The following PTPN21 variants were observed in gnomAD, a reference collection of about 807,000 sequenced individuals.
The protein encoded by PTPN21 is tyrosine-protein phosphatase non-receptor type 21.
PTPN21 carries 77 observed loss-of-function variants against 131.8 expected under a neutral mutation model. The ratio of observed to expected loss-of-function variants is 0.58; its 90% CI spans 0.49 to 0.71. The LOEUF is 0.71. PTPN21 is among the 30% of genes least tolerant of loss of function. The probability of loss-of-function intolerance (pLI) is 0.00; values close to 1 mark genes in which losing one functional copy is unlikely to be tolerated. For synonymous variants in PTPN21, 715 were observed against 621.3 expected, an observed-to-expected ratio of 1.15 and a Z score of -2.24; for missense variants, 1,552 against 1,527.1, an observed-to-expected ratio of 1.02 and a Z score of -0.27.
Position 88,468,950 on chromosome 14 carries a change from G to C in PTPN21, c.3362C>G (p.Ser1121Trp). The C allele has an allele frequency of 1.2e-6, 2 of 1,614,138 alleles. No individual in the cohort carries two copies. The highest frequency in any genetic ancestry group is 1.7e-6 in the Non-Finnish European group (2 of 1,180,014). Residue 1121 changes from serine to tryptophan, a missense_variant, in exon 18 of 19, where the codon TCG (serine) becomes TGG (tryptophan). Ser to Trp is a radical substitution (Grantham distance 177). Transcript: ENST00000556564. ...TTCCAGGCAGGCGATCATGATCTCCGACAAAATCACCACGCCAGTCCTTCC... is the reference window on the plus strand; with the variant it reads ...TTCCAGGCAGGCGATCATGATCTCCCACAAAATCACCACGCCAGTCCTTCC... ...GVGRTGVVIL[S>W]EIMIACLEHN...
intron 12 of PTPN21, among the ~76,000 whole-genome samples, chr14:88,482,492 C>T (rs892515214): frequency 2.6e-5 from 4 of 152,018 alleles, no homozygotes; most frequent in Admixed American, 6.6e-5. Flanking sequence ...GGCGTGGTGG[C>T]GCATGCCTGT....
At chr14:88,506,043 A>G (rs572710397) in intron 4 of PTPN21, among the ~76,000 whole-genome samples, 1 of 152,304 alleles carries the variant, frequency 6.6e-6, no homozygotes, top group African/African-American at 2.4e-5. Context: ...ATAATGCCCC[A>G]TCAGAAATCT....
intron 3 of PTPN21, among the ~76,000 whole-genome samples, chr14:88,511,765 T>C (rs1370777105): frequency 1.3e-5 from 2 of 152,194 alleles, no homozygotes; most frequent in Admixed American, 6.5e-5. Context: ...ACGTTTTGAT[T>C]CAAAAGCAAG....
chr14:88,544,045 G>C (rs1429857369), intron 2 of PTPN21, among the ~76,000 whole-genome samples: 1 of 152,078 alleles, frequency 6.6e-6, no homozygotes, highest in Non-Finnish European at 1.5e-5. Flanking sequence ...CATATCCTGA[G>C]GATTAAAAAA....
At chr14:88,490,763 C>T (rs544755702) in intron 10 of PTPN21, among the ~76,000 whole-genome samples, 3 of 152,338 alleles carry the variant, frequency 2.0e-5, no homozygotes, top group East Asian at 3.9e-4. Context: ...CATCTCACTG[C>T]GCTCAGCGAG....
At chr14:88,551,195 A>C (rs997355781) in intron 1 of PTPN21, 2 of 152,194 alleles carry the variant, frequency 1.3e-5, no homozygotes, top group East Asian at 1.9e-4. Context: ...TTTACTGATA[A>C]ACATCATAAA....
intron 1 of PTPN21, among the ~76,000 whole-genome samples, chr14:88,554,412 G>GAAC (rs1566859787): frequency 2.5e-4 from 38 of 152,298 alleles, no homozygotes; most frequent in African/African-American, 9.1e-4. Flanking sequence ...GCAACAATCG[G>GAAC]CCAGGGCGTT....
At position 88,479,330 on chromosome 14, in the gene PTPN21, G is replaced by A. The variant is rs781196275; in HGVS notation, c.2101C>T (p.Leu701=). Residue 701 remains leucine, a synonymous_variant, in exon 13 of 19, where the codon CTG becomes TTG. Coordinates refer to ENST00000556564, the MANE Select transcript of PTPN21 (RefSeq NM_007039.4). ...EGLRYGHKKS[L]SDATMLIHSS... ...TGGATTAGCATGGTGGCGTCCGACA[G>A]GGACTTCTTATGGCCGTACCTCAAG... 178 of 1,613,346 alleles carry A rather than the reference G, an allele frequency of 1.1e-4. No individual in the cohort carries two copies. The highest frequency in any genetic ancestry group is 1.4e-4 in the Non-Finnish European group (167 of 1,179,656).
intron 6 of PTPN21, among the ~76,000 whole-genome samples, chr14:88,502,059 C>T (rs1319234568): frequency 1.3e-5 from 2 of 152,196 alleles, no homozygotes; most frequent in South Asian, 2.1e-4. Context: ...AATAAGGGTA[C>T]GAGGAGGCTA....
At chr14:88,489,103 A>G (rs1388817810) in intron 10 of PTPN21, among the ~76,000 whole-genome samples, 2 of 152,122 alleles carry the variant, frequency 1.3e-5, no homozygotes, top group African/African-American at 4.8e-5. Flanking sequence ...CATGTGTCCA[A>G]CCTGCTCCCC....
chr14:88,468,301 T>G, intron 18 of PTPN21, 36 bp from the exon 19 acceptor site: 1 of 1,550,204 alleles, frequency 6.5e-7, no homozygotes, highest in Non-Finnish European at 8.7e-7. Flanking sequence ...GATAATGTGT[T>G]CCCCTGGGGA....
intron 2 of PTPN21, among the ~76,000 whole-genome samples, chr14:88,529,239 T>C (rs1243389003): frequency 1.3e-5 from 2 of 152,222 alleles, no homozygotes; most frequent in Non-Finnish European, 2.9e-5. Flanking sequence ...GATGATCATA[T>C]TGTTTTTAAT....
At chr14:88,501,256 G>C in intron 7 of PTPN21, 25 bp downstream of exon 7, 1 of 1,570,162 alleles carries the variant, frequency 6.4e-7, no homozygotes, top group Non-Finnish European at 8.8e-7. Context: ...ACTTTAAAGA[G>C]CCCCAGCCGC....
At chr14:88,514,148 C>T (rs1312347486) in intron 3 of PTPN21, among the ~76,000 whole-genome samples, 1 of 152,134 alleles carries the variant, frequency 6.6e-6, no homozygotes, top group Non-Finnish European at 1.5e-5. Flanking sequence ...AATGTTTTGG[C>T]TTTTTCCTTT....
chr14:88,486,660 A>T lies in PTPN21; in HGVS notation c.933-818T>A, dbSNP rs146946219. Among the ~76,000 whole-genome samples the T allele has an allele frequency of 1.4e-3, 211 of 152,156 alleles. 2 individuals carry two copies. The highest frequency in any genetic ancestry group is 4.9e-3 in the African/African-American group (202 of 41,518). ...TACCTTTCTTTGCAAGAAATTTCTG[A>T]TTTGTTTTGAATATACTTTTTAAAA... On this transcript the variant is annotated intron_variant, in intron 10 of 18. Transcript: ENST00000556564.
chr14:88,543,392 G>C (rs1466635709), intron 2 of PTPN21, among the ~76,000 whole-genome samples: 1 of 152,072 alleles, frequency 6.6e-6, no homozygotes, highest in Non-Finnish European at 1.5e-5. Context: ...AAGTGAAAAA[G>C]AAGAGTCTAA....
In PTPN21 at chr14:88,479,573, C is replaced by T. The variant is rs2077608304; in HGVS notation, c.1858G>A (p.Val620Ile). 3.1e-6 allele frequency: 5 copies of T among 1,596,330 alleles called. No individual in the cohort carries two copies. In the South Asian group the frequency reaches 4.4e-5, roughly 14 times the overall value. Residue 620 changes from valine (V) to isoleucine (I), a missense_variant, in exon 13 of 19, where the codon GTC (valine) becomes ATC (isoleucine). Physicochemically the swap from Val to Ile is conservative, Grantham distance 29 (BLOSUM62 3). Around this residue, in one of 4 missense-constraint regions of PTPN21, gnomAD observed 1,016 missense variants for 883.5 expected, o/e 1.15. Transcript: ENST00000556564. The stretch of plus-strand genomic sequence containing the variant: ...CGCGCGGCGGTGAGGGGCTCGCTGA[C>T]CTCCTGCAGCGAGTGCGCCACGGGC... ...SLPVAHSLQEVSEPLTAARHA... is the reference protein window; with the variant it reads ...SLPVAHSLQEISEPLTAARHA...
At chr14:88,490,039 TG>T (rs1190046078) in intron 10 of PTPN21, among the ~76,000 whole-genome samples, 3 of 151,154 alleles carry the variant, frequency 2.0e-5, no homozygotes, top group Non-Finnish European at 4.4e-5. Flanking sequence ...GATGGAGTCT[TG>T]CTCTGTCGCC....
intron 3 of PTPN21, among the ~76,000 whole-genome samples, chr14:88,510,147 A>T (rs142303448): frequency 6.6e-6 from 1 of 152,166 alleles, no homozygotes; most frequent in Admixed American, 6.5e-5. Context: ...TGACTCTTCC[A>T]TATTTGCTCT....
Sources: allele counts gnomAD v4.1 joint callset (sites outside exome capture counted in the v4.1 genomes callset), GRCh38; gene constraint gnomAD v4.1.1; regional missense constraint gnomAD v4.1.1; transcripts MANE v1.5; gene names NCBI Gene and HGNC (gene_info 2026-07-23, HGNC 2026-07-21).